Variants in THSD7A observed in about 807,000 individuals in gnomAD.
THSD7A encodes thrombospondin type 1 domain containing 7A.
In THSD7A, 96 loss-of-function variants were observed where a neutral mutation model predicts 231.3. That is an observed-to-expected ratio of 0.41 (90% confidence interval 0.35 to 0.49). The LOEUF is 0.49. Ranked by LOEUF, THSD7A falls within the 20% of genes least tolerant of loss-of-function variation. The pLI, the probability that THSD7A is intolerant of heterozygous loss-of-function variation, is 0.05. For missense variants in THSD7A, 2,290 were observed against 2,070.2 expected, an observed-to-expected ratio of 1.11 and a Z score of -2.06; for synonymous variants, 940 against 743.3, an observed-to-expected ratio of 1.26 and a Z score of -4.30.
intron 1 of THSD7A, among the ~76,000 whole-genome samples, chr7:11,718,084 T>A (rs969210124): frequency 5.9e-5 from 9 of 151,656 alleles, no homozygotes; most frequent in African/African-American, 1.9e-4. Context: ...GGAAATGTAA[T>A]TTCTCTGGAC....
At chr7:11,817,746 T>A (rs1784749130) in intron 1 of THSD7A, among the ~76,000 whole-genome samples, 1 of 152,118 alleles carries the variant, frequency 6.6e-6, no homozygotes, top group Non-Finnish European at 1.5e-5. Context: ...AGGTAGTTAC[T>A]AATATCATAT....
In THSD7A at chr7:11,411,121, A is replaced by G. The variant is rs932698588; in HGVS notation, c.3798+86T>C. On this transcript the variant is annotated intron_variant, in intron 19 of 27. Transcript: ENST00000423059. This position sits in a 1 kb window ranked among gnomAD's most constrained non-coding sequence, Gnocchi z 4.1. ...AAAACATCTGCTGGCAATGAGCTGC[A>G]TGGAGCACGGGTCACTTGGCTCAGC... is the stretch of plus-strand genomic sequence containing the variant. The G allele has an allele frequency of 7.3e-6, 7 of 958,840 alleles. No homozygotes were observed. The highest frequency in any genetic ancestry group is 1.1e-5 in the Non-Finnish European group (7 of 619,776). 59.4% of individuals were successfully genotyped at this position (958,840 alleles called of 1,614,324 possible).
intron 6 of THSD7A, among the ~76,000 whole-genome samples, chr7:11,499,060 C>A (rs185104684): frequency 3.6e-4 from 55 of 152,312 alleles, no homozygotes; most frequent in Middle Eastern, 3.4e-3. Flanking sequence ...TCTGCCACTG[C>A]CTCTGTAGTG....
chr7:11,602,425 A>T (rs1017292266), intron 2 of THSD7A, among the ~76,000 whole-genome samples: 1 of 152,166 alleles, frequency 6.6e-6, no homozygotes, highest in Non-Finnish European at 1.5e-5. Flanking sequence ...AGATAAGATT[A>T]CAGCAATTAA....
chr7:11,746,815 G>A (rs1219109975), intron 1 of THSD7A, among the ~76,000 whole-genome samples: 1 of 151,854 alleles, frequency 6.6e-6, no homozygotes, highest in Admixed American at 6.6e-5. Context: ...ACTCTAGAGG[G>A]TGCGTTAAAC....
At position 11,462,086 on chromosome 7, in the gene THSD7A, T is replaced by G; in HGVS notation, c.2426A>C (p.Asn809Thr). 6.2e-7 allele frequency: 1 copy of G among 1,613,834 alleles called. No individual in the cohort carries two copies. The highest frequency in any genetic ancestry group is 8.5e-7 in the Non-Finnish European group (1 of 1,179,776). ...GGGATCTGTGCAGTCTCGGCCCCCG[T>G]TGGCTGGCAGCTGAATGATGACCCG... ...RHRVIIQLPA[N>T]GGRDCTDPLY... The change falls in exon 10 of 28, where the codon AAC (asparagine) becomes ACC (threonine). Residue 809 changes from asparagine to threonine, a missense_variant. Coordinates refer to ENST00000423059, the MANE Select transcript of THSD7A (RefSeq NM_015204.3).
At position 11,411,272 on chromosome 7, in the gene THSD7A, T is replaced by G; in HGVS notation, c.3733A>C (p.Lys1245Gln). 6.2e-7 allele frequency: 1 copy of G among 1,613,932 alleles called. No homozygotes were observed. The highest frequency in any genetic ancestry group is 8.5e-7 in the Non-Finnish European group (1 of 1,179,840). The part of the protein sequence containing the change: ...SEKAVCGNGI[K>Q]TRMLDCVRSD... ...CGAACACAATCCAACATCCTTGTTT[T>G]TATTCCATTTCCACAAACTGCCTTC... The change falls in exon 19 of 28, where the codon AAA becomes CAA. Residue 1245 changes from lysine (K) to glutamine (Q), a missense_variant. Coordinates refer to ENST00000423059, the MANE Select transcript of THSD7A (RefSeq NM_015204.3). The surrounding 1 kb of genome is among the most constrained non-coding windows in gnomAD (Gnocchi z 4.1).
chr7:11,781,226 C>T (rs962562240), intron 1 of THSD7A, among the ~76,000 whole-genome samples: 3 of 150,930 alleles, frequency 2.0e-5, no homozygotes, highest in African/African-American at 7.3e-5. Flanking sequence ...TGCTTGAAGC[C>T]GGGTGTACAA....
intron 4 of THSD7A, among the ~76,000 whole-genome samples, chr7:11,572,811 G>A (rs1288379809): frequency 1.3e-5 from 2 of 151,928 alleles, no homozygotes. Flanking sequence ...TTATATCTAG[G>A]CCATCTCATG....
At chr7:11,501,828 G>T (rs772273297) in intron 6 of THSD7A, among the ~76,000 whole-genome samples, 5 of 152,092 alleles carry the variant, frequency 3.3e-5, no homozygotes, top group East Asian at 3.9e-4. Flanking sequence ...CATTCAAAAG[G>T]TCAATGAATC....
chr7:11,747,982 G>C (rs1782366675), intron 1 of THSD7A, among the ~76,000 whole-genome samples: 1 of 151,980 alleles, frequency 6.6e-6, no homozygotes, highest in African/African-American at 2.4e-5. Context: ...GGCAGGAGAA[G>C]AGAGCAGTGA....
intron 2 of THSD7A, among the ~76,000 whole-genome samples, chr7:11,601,432 G>A (rs549919179): frequency 5.9e-5 from 9 of 152,274 alleles, no homozygotes; most frequent in South Asian, 2.1e-4. Flanking sequence ...GTAAGCAGTC[G>A]CAGCTTTGGG....
At chr7:11,390,701 G>T (rs551612847) in intron 23 of THSD7A, among the ~76,000 whole-genome samples, 1 of 152,168 alleles carries the variant, frequency 6.6e-6, no homozygotes, top group Non-Finnish European at 1.5e-5. Context: ...CAGCCCTTTC[G>T]AGCTAGTTTC....
intron 1 of THSD7A, among the ~76,000 whole-genome samples, chr7:11,706,184 G>A (rs1392196955): frequency 1.3e-5 from 2 of 150,930 alleles, no homozygotes; most frequent in Non-Finnish European, 3.0e-5. Context: ...AATATGTGCT[G>A]CTACAAAGGC....
At chr7:11,779,080 A>T (rs1783540120) in intron 1 of THSD7A, among the ~76,000 whole-genome samples, 1 of 152,184 alleles carries the variant, frequency 6.6e-6, no homozygotes, top group African/African-American at 2.4e-5. Flanking sequence ...AAATTAGAAT[A>T]AGTGAAATTA....
In THSD7A at chr7:11,553,670, T is replaced by G. The variant is rs1196875634; in HGVS notation, c.1454-10553A>C. Among the ~76,000 whole-genome samples, 3 of 152,182 alleles carry G rather than the reference T, an allele frequency of 2.0e-5. No homozygotes were observed. In the East Asian group the frequency reaches 5.8e-4, roughly 29 times the overall value. On this transcript the variant is annotated intron_variant, in intron 4 of 27. Transcript: ENST00000423059. The stretch of plus-strand genomic sequence containing the variant: ...GTTCTTAATTTAAAGAGGATTCAAA[T>G]GAATGTATATTCCATGCTTCACAAG...
intron 7 of THSD7A, among the ~76,000 whole-genome samples, chr7:11,479,252 C>T (rs935700240): frequency 9.9e-5 from 15 of 152,150 alleles, no homozygotes; most frequent in Non-Finnish European, 1.8e-4. Flanking sequence ...AGGAGTTATC[C>T]AGCCTTCAGT....
intron 6 of THSD7A, among the ~76,000 whole-genome samples, chr7:11,500,283 A>G (rs898755702): frequency 2.6e-5 from 4 of 152,196 alleles, no homozygotes; most frequent in African/African-American, 9.7e-5. Context: ...ATGTTGAGGG[A>G]CTTCATTACC....
At chr7:11,471,547 T>C (rs1427612030) in intron 8 of THSD7A, among the ~76,000 whole-genome samples, 1 of 152,054 alleles carries the variant, frequency 6.6e-6, no homozygotes, top group Non-Finnish European at 1.5e-5. Context: ...TTCAATTATA[T>C]AGATCAATGC....
Sources: gnomAD v4.1 joint callset for allele counts (sites outside exome capture counted in the v4.1 genomes callset) on GRCh38, gnomAD v4.1.1 for gene constraint, Gnocchi (gnomAD v3.1) non-coding constraint, MANE v1.5 for transcripts, NCBI Gene and HGNC (gene_info 2026-07-23, HGNC 2026-07-21) for gene names.